Variants in CRACDL observed in about 807,000 individuals in gnomAD.
CRACDL encodes the protein CRACD like.
A neutral mutation model predicts 70.6 loss-of-function variants in CRACDL; 26 were observed. The observed-to-expected ratio is 0.37, with a 90% CI of 0.27 to 0.51. The LOEUF is 0.51. Among genes scored for constraint, CRACDL ranks in the 20% least tolerant of loss-of-function variants. The pLI, the probability that CRACDL is intolerant of heterozygous loss-of-function variation, is 0.94. For missense variants in CRACDL, 1,283 were observed against 1,376.9 expected, an observed-to-expected ratio of 0.93 and a Z score of 1.08; for synonymous variants, 618 against 615.2, an observed-to-expected ratio of 1.00 and a Z score of -0.07.
rs1195163975 is a variant in CRACDL at position 98,823,506 on chromosome 2, G to A, written c.767C>T (p.Thr256Met). ...RAQSESLSDL[T>M]CTPEEEENEE... ...GTTTTCCTCCTCCTCTGGGGTGCAC[G>A]TCAGGTCGCTCAGGGATTCAGACTG... Residue 256 changes from threonine to methionine, a missense_variant, in exon 7 of 10, where the codon ACG becomes ATG. Physicochemically the swap from Thr to Met is moderately conservative, Grantham distance 81. Around this residue, in one of 2 missense-constraint regions of CRACDL, gnomAD observed 362 missense variants for 495.0 expected, o/e 0.73. Transcript: ENST00000397899. The surrounding 1 kb of genome is among the most constrained non-coding windows in gnomAD (Gnocchi z 4.0). The A allele has an allele frequency of 1.3e-6, 2 of 1,591,938 alleles. No individual in the cohort carries two copies. The highest frequency in any genetic ancestry group is 1.7e-6 in the Non-Finnish European group (2 of 1,176,750).
chr2:98,847,437 T>C (rs1280082099), intron 1 of CRACDL, among the ~76,000 whole-genome samples: 1 of 152,232 alleles, frequency 6.6e-6, no homozygotes, highest in Non-Finnish European at 1.5e-5. Flanking sequence ...GATACAAAAA[T>C]ATGAACAACA....
intron 1 of CRACDL, among the ~76,000 whole-genome samples, 164 bp from the exon 2 acceptor site, chr2:98,846,974 C>T (rs1322530352): frequency 2.0e-5 from 3 of 152,250 alleles, no homozygotes; most frequent in Non-Finnish European, 4.4e-5. Context: ...ACCATATCCA[C>T]AGCCACAAGA....
intron 1 of CRACDL, among the ~76,000 whole-genome samples, chr2:98,911,489 T>G (rs1260689144): frequency 1.3e-5 from 2 of 152,216 alleles, no homozygotes; most frequent in Non-Finnish European, 2.9e-5. Flanking sequence ...AGTTGAGAAT[T>G]TCCCACTTCG....
Position 98,822,314 on chromosome 2 carries a change from G to C in CRACDL, c.1959C>G (p.Ser653Arg). The C allele has an allele frequency of 6.8e-7, 1 of 1,480,524 alleles. No individual in the cohort carries two copies. Among genetic ancestry groups the C allele is most frequent in the Non-Finnish European group, 8.9e-7 (1 of 1,127,276 alleles). The allele number at this position is 1,480,524 out of a possible 1,614,324, so 91.7% of individuals were successfully genotyped here. The change falls in exon 7 of 10, where the codon AGC becomes AGG. Residue 653 changes from serine (S) to arginine (R), a missense_variant. Coordinates refer to ENST00000397899, the MANE Select transcript of CRACDL (RefSeq NM_207362.3). This position sits in a 1 kb window ranked among gnomAD's most constrained non-coding sequence, Gnocchi z 4.9. ...RAASPAGPRK[S>R]PQEAAAAPGT... ...CGGGCGCGGCGGCCGCCTCCTGAGG[G>C]CTCTTGCGCGGCCCGGCCGGGCTGG...
At chr2:98,884,230 T>C (rs985902169) in intron 1 of CRACDL, among the ~76,000 whole-genome samples, 2 of 152,102 alleles carry the variant, frequency 1.3e-5, no homozygotes, top group African/African-American at 4.8e-5. Flanking sequence ...GGAGCCTGGA[T>C]CAGCAGCAAT....
rs564331069 is a variant in CRACDL at position 98,812,672 on chromosome 2, T to G, written c.2416+9185A>C. 2.6e-5 allele frequency among the ~76,000 whole-genome samples: 4 copies of G among 152,312 alleles called. No individual in the cohort carries two copies. In the South Asian group the frequency reaches 8.3e-4, roughly 32 times the overall value. ...CTTTCTCTGGTGAAATGTCTGTTCA[T>G]GTCTTTTGCCCGTTTTCTAATTGGT... On this transcript the variant is annotated intron_variant, in intron 7 of 9. Transcript: ENST00000397899.
intron 1 of CRACDL, among the ~76,000 whole-genome samples, chr2:98,916,926 A>C (rs1042219890): frequency 1.3e-5 from 2 of 152,184 alleles, no homozygotes; most frequent in East Asian, 3.9e-4. Flanking sequence ...ACTGAGCCTA[A>C]ATGACAGTAC....
Position 98,862,530 on chromosome 2 carries a change from G to A in CRACDL, c.-10-15720C>T, listed in dbSNP as rs548802315. ...AATGTTCACCAAACTAAAGGGAGAT[G>A]TGGAGAAAATCAAGAAAATGATGTC... On this transcript the variant is annotated intron_variant, in intron 1 of 9. Transcript: ENST00000397899. Among the ~76,000 whole-genome samples the A allele has an allele frequency of 1.6e-4, 25 of 152,308 alleles. No individual in the cohort carries two copies. The East Asian group carries it at 4.2e-3, about 26-fold the overall frequency.
At chr2:98,928,555 A>G (rs758614294) in intron 1 of CRACDL, among the ~76,000 whole-genome samples, 28 of 152,134 alleles carry the variant, frequency 1.8e-4, no homozygotes, top group Non-Finnish European at 3.2e-4. Context: ...TGTCTGGTCT[A>G]TAGGGCTTCC....
chr2:98,796,769 G>A (rs1703840247), intron 8 of CRACDL, among the ~76,000 whole-genome samples: 3 of 152,130 alleles, frequency 2.0e-5, no homozygotes, highest in Admixed American at 6.5e-5. Flanking sequence ...CGGTGCTATT[G>A]GGGGATACAA....
chr2:98,806,516 C>T (rs565763024), intron 7 of CRACDL, among the ~76,000 whole-genome samples: 2 of 151,742 alleles, frequency 1.3e-5, no homozygotes, highest in East Asian at 2.0e-4. Flanking sequence ...GAGCCAGGGC[C>T]GGGCTCAACG....
intron 3 of CRACDL, among the ~76,000 whole-genome samples, chr2:98,834,993 A>T (rs1358893207): frequency 6.6e-6 from 1 of 152,198 alleles, no homozygotes. Context: ...TGATTATAAG[A>T]CAGTGTGCAG....
intron 1 of CRACDL, among the ~76,000 whole-genome samples, chr2:98,881,289 C>G (rs1707644338): frequency 6.6e-6 from 1 of 152,184 alleles, no homozygotes; most frequent in South Asian, 2.1e-4. Flanking sequence ...GCGGCCTCAG[C>G]CCCACCTGGG....
chr2:98,860,301 A>G (rs1214712013), intron 1 of CRACDL, among the ~76,000 whole-genome samples: 3 of 152,236 alleles, frequency 2.0e-5, no homozygotes, highest in Middle Eastern at 3.2e-3. Flanking sequence ...GCTGATCTGA[A>G]AATTTATGTG....
chr2:98,869,098 C>A, intron 1 of CRACDL: 1 of 1,304,334 alleles, frequency 7.7e-7, no homozygotes, highest in African/African-American at 1.5e-5. Context: ...GCCTGATGCA[C>A]TGGTAAAAGG....
chr2:98,841,987 TTC>T (rs1169223978), intron 2 of CRACDL, among the ~76,000 whole-genome samples: 5 of 152,144 alleles, frequency 3.3e-5, no homozygotes, highest in Non-Finnish European at 7.4e-5. Context: ...TTTAAGATTT[TTC>T]ATCCTCTTTG....
intron 6 of CRACDL, among the ~76,000 whole-genome samples, chr2:98,826,745 G>C (rs759871535): frequency 5.9e-5 from 9 of 152,152 alleles, no homozygotes; most frequent in Non-Finnish European, 1.2e-4. Flanking sequence ...GAGGAATGAC[G>C]GACAGACGGA....
At chr2:98,795,073 ATATATTT>A (rs1490152080) in intron 9 of CRACDL, among the ~76,000 whole-genome samples, 1 of 20,070 alleles carries the variant, frequency 5.0e-5, no homozygotes, top group East Asian at 1.2e-3. Context: ...ATATATATAT[ATATATTT>A]TTTTTTTTTT....
chr2:98,899,334 A>G (rs1708206655), intron 1 of CRACDL, among the ~76,000 whole-genome samples: 1 of 152,256 alleles, frequency 6.6e-6, no homozygotes, highest in Non-Finnish European at 1.5e-5. Flanking sequence ...CCAAGTGACA[A>G]AGATACACAA....
Sources: gnomAD v4.1 joint callset for allele counts (sites outside exome capture counted in the v4.1 genomes callset) on GRCh38, gnomAD v4.1.1 for gene constraint, gnomAD v4.1.1 regional missense constraint, Gnocchi (gnomAD v3.1) non-coding constraint, MANE v1.5 for transcripts, NCBI Gene and HGNC (gene_info 2026-07-23, HGNC 2026-07-21) for gene names.